Variants in TCTN2 observed in about 807,000 individuals in gnomAD.
The protein encoded by TCTN2 is tectonic family member 2.
TCTN2 carries 66 observed loss-of-function variants against 83.4 expected under a neutral mutation model. The observed-to-expected ratio is 0.79, with a 90% CI of 0.65 to 0.97. TCTN2 has a LOEUF of 0.97. TCTN2 is among the 50% of genes least tolerant of loss of function. The pLI is 0.00. For missense variants in TCTN2, 794 were observed against 858.1 expected, an observed-to-expected ratio of 0.93 and a Z score of 0.93; for synonymous variants, 301 against 326.7, an observed-to-expected ratio of 0.92 and a Z score of 0.85.
intron 7 of TCTN2, among the ~76,000 whole-genome samples, 184 bp from the exon 8 acceptor site, chr12:123,690,349 C>T (rs1376629489): frequency 1.3e-5 from 2 of 152,092 alleles, no homozygotes; most frequent in African/African-American, 4.8e-5. Flanking sequence ...GCTTCCAGAC[C>T]TTGATGGGCA....
intron 5 of TCTN2, among the ~76,000 whole-genome samples, chr12:123,679,678 A>G (rs1955869673): frequency 6.6e-6 from 1 of 150,418 alleles, no homozygotes; most frequent in Non-Finnish European, 1.5e-5. Flanking sequence ...CAGCTTTTTA[A>G]GGGATGGTCT....
chr12:123,677,797 T>C (rs35804181), intron 4 of TCTN2, among the ~76,000 whole-genome samples: 45,891 of 151,704 alleles, frequency 0.3, 7,548 homozygotes, highest in Non-Finnish European at 0.38. Context: ...ACAAACTCTT[T>C]CTTTTTTTTT....
chr12:123,698,017 A>C (rs2135850958), intron 13 of TCTN2, among the ~76,000 whole-genome samples: 2 of 151,406 alleles, frequency 1.3e-5, no homozygotes, highest in East Asian at 3.9e-4. Context: ...GGCATGAGTC[A>C]CTCTGCTGGC....
chr12:123,681,113 A>G (rs1450034756), intron 5 of TCTN2, among the ~76,000 whole-genome samples: 1 of 151,976 alleles, frequency 6.6e-6, no homozygotes, highest in Non-Finnish European at 1.5e-5. Context: ...TACAAAAATT[A>G]GCTGGGCATG....
At chr12:123,696,665 G>A in intron 12 of TCTN2, 170 bp downstream of exon 12, 1 of 684,934 alleles carries the variant, frequency 1.5e-6, no homozygotes, top group East Asian at 2.8e-5. Context: ...TGCTTCTACA[G>A]CTTTTTAAAA....
chr12:123,707,758 G>A lies in TCTN2; in HGVS notation c.*45G>A, dbSNP rs142969969. On this transcript the variant is annotated 3_prime_UTR_variant, in exon 18 of 18. Transcript: ENST00000303372. ...TTTTTTGAGATGGAGTTTTGCTCTTGTTGCCCAGGCTGAAGTGATCTCGGC... is the reference window on the plus strand; with the variant it reads ...TTTTTTGAGATGGAGTTTTGCTCTTATTGCCCAGGCTGAAGTGATCTCGGC... 4,517 of 1,491,824 alleles carry A rather than the reference G, an allele frequency of 3.0e-3. 96 individuals carry two copies. In the Admixed American group the frequency reaches 0.043, roughly 14 times the overall value. 92.4% of individuals were successfully genotyped at this position (1,491,824 alleles called of 1,614,324 possible).
intron 3 of TCTN2, among the ~76,000 whole-genome samples, 192 bp from the exon 4 acceptor site, chr12:123,673,423 A>G (rs1212195066): frequency 6.6e-6 from 1 of 152,216 alleles, no homozygotes; most frequent in Non-Finnish European, 1.5e-5. Context: ...ATGTTAAGGA[A>G]GAAGAATCAG....
intron 7 of TCTN2, among the ~76,000 whole-genome samples, chr12:123,688,657 A>G (rs967242288): frequency 3.3e-5 from 5 of 152,212 alleles, no homozygotes; most frequent in African/African-American, 1.2e-4. Flanking sequence ...AATAAAATAT[A>G]TAGTCACTCT....
chr12:123,704,884 A>G (rs1254750379), intron 15 of TCTN2, among the ~76,000 whole-genome samples, 196 bp downstream of exon 15: 4 of 152,194 alleles, frequency 2.6e-5, no homozygotes, highest in Non-Finnish European at 4.4e-5. Flanking sequence ...AAGTATTTAT[A>G]AAGCCATATG....
At chr12:123,705,288 G>A (rs1301116586) in intron 15 of TCTN2, among the ~76,000 whole-genome samples, 10 of 149,874 alleles carry the variant, frequency 6.7e-5, no homozygotes, top group Non-Finnish European at 1.3e-4. Context: ...TCAGCCTCCC[G>A]AGTAGCTGGG....
Position 123,673,776 on chromosome 12 carries a change from T to G in TCTN2, c.429T>G (p.Ile143Met). 1 of 1,614,176 alleles carries G rather than the reference T, an allele frequency of 6.2e-7. No homozygotes were observed. The highest frequency in any genetic ancestry group is 8.5e-7 in the Non-Finnish European group (1 of 1,180,034). The change falls in exon 4 of 18, where the codon ATT (isoleucine) becomes ATG (methionine). Residue 143 changes from isoleucine (I) to methionine (M), a missense_variant. Transcript: ENST00000303372. ...CACATCTACTCATTCAAGTGGAAAT[T>G]TATGCCAACTCTTCTCTGACCCATA... is the stretch of plus-strand genomic sequence containing the variant. ...CSAHLLIQVE[I>M]YANSSLTHNA...
At position 123,686,972 on chromosome 12, in the gene TCTN2, T is replaced by G. The variant is rs747287695; in HGVS notation, c.701T>G (p.Phe234Cys). Reference sequence around the variant, plus strand: ...CGTGGTGTCCCCGATTGGTTTCCCTTTCTGTGTGTGCAGTCCCCCCTTGCC... The same window carrying G: ...CGTGGTGTCCCCGATTGGTTTCCCTGTCTGTGTGTGCAGTCCCCCCTTGCC... Reference protein sequence around the residue: ...TTRGVPDWFPFLCVQSPLANT... With the variant: ...TTRGVPDWFPCLCVQSPLANT... Residue 234 changes from phenylalanine to cysteine, a missense_variant, in exon 6 of 18, where the codon TTT becomes TGT. Transcript: ENST00000303372. The G allele has an allele frequency of 6.2e-7, 1 of 1,614,154 alleles. No homozygotes were observed. Among genetic ancestry groups the G allele is most frequent in the Non-Finnish European group, 8.5e-7 (1 of 1,180,030 alleles).
chr12:123,702,218 G>C (rs1427360597), intron 14 of TCTN2, among the ~76,000 whole-genome samples: 1 of 152,192 alleles, frequency 6.6e-6, no homozygotes, highest in African/African-American at 2.4e-5. Flanking sequence ...CAATGAGTGT[G>C]CGCATCTGCT....
intron 11 of TCTN2, chr12:123,695,584 GC>G (rs1956097682): frequency 4.8e-6 from 1 of 209,468 alleles, no homozygotes; most frequent in South Asian, 8.9e-5. Flanking sequence ...ACCATGCCTG[GC>G]TTTTTTTTTT....
At position 123,677,200 on chromosome 12, in the gene TCTN2, G is replaced by C. The variant is rs536790530; in HGVS notation, c.464-1989G>C. On this transcript the variant is annotated intron_variant, in intron 4 of 17. Transcript: ENST00000303372. ...TGTCTCAAAAAAAAATCAATAAAGT[G>C]CCTTGCTTGTGTCACATGGGTTTGA... Among the ~76,000 whole-genome samples, 5 of 152,168 alleles carry C rather than the reference G, an allele frequency of 3.3e-5. No homozygotes were observed. In the South Asian group the frequency reaches 8.3e-4, roughly 25 times the overall value.
chr12:123,695,109 C>A, intron 10 of TCTN2, 111 bp from the exon 11 acceptor site: 1 of 1,422,070 alleles, frequency 7.0e-7, no homozygotes, highest in Non-Finnish European at 9.9e-7. Flanking sequence ...ATTTAATTAA[C>A]GAGAGTACAC....
intron 4 of TCTN2, among the ~76,000 whole-genome samples, chr12:123,678,633 A>G (rs1426928720): frequency 3.3e-5 from 5 of 152,050 alleles, no homozygotes; most frequent in African/African-American, 1.2e-4. Context: ...CTCTTAGTCA[A>G]TTGATTATCT....
Position 123,707,968 on chromosome 12 carries a change from A to G in TCTN2, c.*255A>G. The G allele has an allele frequency of 2.0e-6, 1 of 492,208 alleles. No individual in the cohort carries two copies. The highest frequency in any genetic ancestry group is 2.1e-5 in the South Asian group (1 of 47,184). The allele number at this position is 492,208 out of a possible 1,614,324, so 30.5% of individuals were successfully genotyped here. A position where few individuals can be genotyped will look rare whatever the true frequency, so the allele number is the denominator to read the frequency against. ...CATGATCCGCCCATCTTGGCCTCCC[A>G]AAGTGCTGAGATTACAGGCATGAGC... On this transcript the variant is annotated 3_prime_UTR_variant, in exon 18 of 18. Transcript: ENST00000303372.
At chr12:123,700,862 C>T (rs111450799) in intron 14 of TCTN2, among the ~76,000 whole-genome samples, 1,908 of 152,250 alleles carry the variant, frequency 0.013, 36 homozygotes, top group African/African-American at 0.043. Context: ...GAAAGAGGAT[C>T]GCTGGAGCCT....
Sources: allele counts gnomAD v4.1 joint callset (sites outside exome capture counted in the v4.1 genomes callset), GRCh38; gene constraint gnomAD v4.1.1; transcripts MANE v1.5; gene names NCBI Gene and HGNC (gene_info 2026-07-23, HGNC 2026-07-21).